Variants in NUP188 observed in about 807,000 individuals in gnomAD.
NUP188 encodes the protein nucleoporin NUP188.
Under a neutral mutation model 223.0 loss-of-function variants are expected in NUP188, and 97 were observed. That is an observed-to-expected ratio of 0.43 (90% CI 0.37 to 0.51). NUP188 has a LOEUF of 0.51. NUP188 is among the 20% of genes least tolerant of loss of function. NUP188 has a pLI of 0.00. For synonymous variants in NUP188, 869 were observed against 828.0 expected, an observed-to-expected ratio of 1.05 and a Z score of -0.85; for missense variants, 1,947 against 2,175.6, an observed-to-expected ratio of 0.89 and a Z score of 2.09.
intron 5 of NUP188, 130 bp downstream of exon 5, chr9:128,957,162 G>T: frequency 1.6e-6 from 1 of 609,604 alleles, no homozygotes; most frequent in Non-Finnish European, 2.9e-6. Flanking sequence ...CTTCAGGGAA[G>T]ACCTACTAAA....
chr9:128,982,821 T>G lies in NUP188; in HGVS notation c.1670-81T>G, dbSNP rs1275697536. 3 of 1,593,462 alleles carry G rather than the reference T, an allele frequency of 1.9e-6. No homozygotes were observed. In the East Asian group the frequency reaches 6.7e-5, roughly 36 times the overall value. ...CATCAAGATTGTGATTTGTCTGATTTGTGTATCTGGGTCTCAGAGACTGTT... is the reference window on the plus strand; with the variant it reads ...CATCAAGATTGTGATTTGTCTGATTGGTGTATCTGGGTCTCAGAGACTGTT... On this transcript the variant is annotated intron_variant, in intron 16 of 43. Transcript: ENST00000372577.
At chr9:128,951,941 C>T (rs1252624075) in intron 2 of NUP188, among the ~76,000 whole-genome samples, 1 of 152,008 alleles carries the variant, frequency 6.6e-6, no homozygotes, top group African/African-American at 2.4e-5. Context: ...TACAGGCATA[C>T]ACCACCACGC....
At position 128,981,276 on chromosome 9, in the gene NUP188, T is replaced by C; in HGVS notation, c.1402T>C (p.Leu468=). The change falls in exon 15 of 44, where the codon TTG becomes CTG. Residue 468 remains leucine (L), a synonymous_variant. Transcript: ENST00000372577. Reference sequence around the variant, plus strand: ...TCTGTTTTGGCAGGTGTATAGCTTCTTGGATAAGATGTCTTTCTACAATGA... The same window carrying C: ...TCTGTTTTGGCAGGTGTATAGCTTCCTGGATAAGATGTCTTTCTACAATGA... ...KSTAKKVYSF[L]DKMSFYNELY... 6.2e-7 allele frequency: 1 copy of C among 1,613,948 alleles called. No homozygotes were observed. Among genetic ancestry groups the C allele is most frequent in the South Asian group, 1.1e-5 (1 of 91,028 alleles).
intron 3 of NUP188, among the ~76,000 whole-genome samples, chr9:128,955,238 G>C (rs1841852622): frequency 6.6e-6 from 1 of 152,176 alleles, no homozygotes; most frequent in African/African-American, 2.4e-5. Flanking sequence ...ACTCAGTTAA[G>C]GAGGCATTTG....
chr9:128,965,828 A>G (rs1236013872), intron 8 of NUP188, among the ~76,000 whole-genome samples: 1 of 137,514 alleles, frequency 7.3e-6, no homozygotes, highest in South Asian at 2.3e-4. Context: ...TTAAATTTTC[A>G]CTCTTGTTGC....
At chr9:128,985,116 T>C in intron 20 of NUP188, 102 bp downstream of exon 20, 1 of 779,584 alleles carries the variant, frequency 1.3e-6, no homozygotes, top group South Asian at 1.7e-5. Context: ...GTAATCTTCT[T>C]GTCTGTAGGC....
rs1842827163 is a variant in NUP188 at position 129,007,017 on chromosome 9, C to CTGT, written c.*341_*343dup. 3 of 236,542 alleles carry CTGT rather than the reference C, an allele frequency of 1.3e-5. No individual in the cohort carries two copies. The highest frequency in any genetic ancestry group is 2.4e-5 in the Non-Finnish European group (3 of 122,964). 14.7% of individuals were successfully genotyped at this position (236,542 alleles called of 1,614,324 possible). ...AGGGCTCTATGCACGGGTTTCAAAC[C>CTGT]TGTTTTCCACACTCTGTCTTTGCAG... On this transcript the variant is annotated 3_prime_UTR_variant, in exon 44 of 44. Coordinates refer to ENST00000372577, the MANE Select transcript of NUP188 (RefSeq NM_015354.3).
At chr9:128,962,832 T>C (rs1841975012) in intron 8 of NUP188, among the ~76,000 whole-genome samples, 1 of 152,250 alleles carries the variant, frequency 6.6e-6, no homozygotes, top group South Asian at 2.1e-4. Flanking sequence ...AGTACATATT[T>C]CTTGATTCAG....
rs1282239312 is a variant in NUP188, at chr9:129,006,499, T to C, written c.5074-3T>C. ...CCTCACCAAGCCACTTTTTTTCTTG[T>C]AGAGCACGCTGCTGTCCAGCCTCTC... On this transcript the variant is annotated splice_region_variant and splice_polypyrimidine_tract_variant and intron_variant, in intron 43 of 43. Coordinates refer to ENST00000372577, the MANE Select transcript of NUP188 (RefSeq NM_015354.3). The C allele has an allele frequency of 4.3e-6, 7 of 1,612,356 alleles. No individual in the cohort carries two copies. Among genetic ancestry groups the C allele is most frequent in the African/African-American group, 1.3e-5 (1 of 74,784 alleles).
intron 5 of NUP188, among the ~76,000 whole-genome samples, chr9:128,957,580 T>C (rs527678507): frequency 2.9e-4 from 44 of 151,986 alleles, no homozygotes; most frequent in Non-Finnish European, 5.6e-4. Context: ...TTCTCCTGCC[T>C]CAGCCTCCCA....
At chr9:128,989,694 G>T (rs890504197) in intron 24 of NUP188, among the ~76,000 whole-genome samples, 1 of 151,866 alleles carries the variant, frequency 6.6e-6, no homozygotes, top group Non-Finnish European at 1.5e-5. Context: ...TTAGCTGGAC[G>T]TGGTGGTGCA....
chr9:128,982,412 AG>A, intron 15 of NUP188, 136 bp from the exon 16 acceptor site: 1 of 749,282 alleles, frequency 1.3e-6, no homozygotes, highest in East Asian at 2.7e-5. Context: ...CCTGGGCAAG[AG>A]GGAGACTCTG....
chr9:128,959,367 C>T (rs944234641), intron 8 of NUP188, among the ~76,000 whole-genome samples: 1 of 151,818 alleles, frequency 6.6e-6, no homozygotes, highest in African/African-American at 2.4e-5. Flanking sequence ...GTCTCGAACT[C>T]CTGACCTCAG....
chr9:128,992,048 A>G, intron 25 of NUP188, among the ~76,000 whole-genome samples: 1 of 150,512 alleles, frequency 6.6e-6, no homozygotes, highest in Non-Finnish European at 1.5e-5. Flanking sequence ...CTGGGACTAC[A>G]GGCGCCTGCC....
intron 8 of NUP188, among the ~76,000 whole-genome samples, chr9:128,959,907 G>A (rs1430570938): frequency 6.6e-6 from 1 of 151,878 alleles, no homozygotes; most frequent in Non-Finnish European, 1.5e-5. Flanking sequence ...TTAATTAATA[G>A]TACTTAATTC....
intron 37 of NUP188, 96 bp from the exon 38 acceptor site, chr9:129,003,221 G>A (rs1181315217): frequency 3.5e-6 from 5 of 1,428,668 alleles, no homozygotes; most frequent in East Asian, 2.3e-5. Context: ...CAGCATTTGG[G>A]GGCCTGGGAC....
rs138474213 is a variant in NUP188 at position 128,998,620 on chromosome 9, A to T, written c.3512A>T (p.Lys1171Met). ...TLLLILLRQWKRELGSVDEIL... is the reference protein window; with the variant it reads ...TLLLILLRQWMRELGSVDEIL... ...CTGCTTATCCTCCTCCGGCAGTGGA[A>T]GAGGTGAGGCTGTGCCAGGAGAGGC... The change falls in exon 32 of 44, where the codon AAG becomes ATG. Residue 1171 changes from lysine to methionine, a missense_variant. By Grantham distance (95) the Lys-to-Met change is moderately conservative (BLOSUM62 -1). Transcript: ENST00000372577. 1.9e-5 allele frequency: 30 copies of T among 1,613,292 alleles called. No homozygotes were observed. Among genetic ancestry groups the T allele is most frequent in the African/African-American group, 2.7e-5 (2 of 74,916 alleles).
chr9:129,005,477 C>G lies in NUP188; in HGVS notation c.4684C>G (p.Leu1562Val). 1.2e-6 allele frequency: 2 copies of G among 1,606,066 alleles called. No homozygotes were observed. Among genetic ancestry groups the G allele is most frequent in the Non-Finnish European group, 1.7e-6 (2 of 1,179,984 alleles). The change falls in exon 40 of 44, where the codon CTG becomes GTG. Residue 1562 changes from leucine to valine, a missense_variant. Leu to Val is a conservative substitution (Grantham distance 32). Coordinates refer to ENST00000372577, the MANE Select transcript of NUP188 (RefSeq NM_015354.3). ...YGLLKILSKT[L>V]AALRHFTPDV... The stretch of plus-strand genomic sequence containing the variant: ...CCTTCTCAAGATCCTCAGCAAGACG[C>G]TGGCAGCCCTGCGCCACTTCACCCC...
intron 38 of NUP188, 94 bp downstream of exon 38, chr9:129,003,548 G>T: frequency 7.0e-7 from 1 of 1,423,184 alleles, no homozygotes; most frequent in Non-Finnish European, 9.8e-7. Flanking sequence ...TGAATTGCAG[G>T]ATGTTCCTGA....
Sources: allele counts gnomAD v4.1 joint callset (sites outside exome capture counted in the v4.1 genomes callset), GRCh38; gene constraint gnomAD v4.1.1; transcripts MANE v1.5; gene names NCBI Gene and HGNC (gene_info 2026-07-23, HGNC 2026-07-21).